The following LSAMP variants were observed in gnomAD, a reference collection of about 807,000 sequenced individuals.
LSAMP encodes limbic system-associated membrane protein.
LSAMP carries 7 observed loss-of-function variants against 38.6 expected under a neutral mutation model. That is an observed-to-expected ratio of 0.18 (90% CI 0.10 to 0.34). The LOEUF (loss-of-function observed/expected upper bound fraction) is 0.34, where lower values mean the gene tolerates loss of function less well. Among genes scored for constraint, LSAMP ranks in the 10% least tolerant of loss-of-function variants. LSAMP has a pLI of 1.00. For synonymous variants in LSAMP, 154 were observed against 166.8 expected (o/e 0.92, Z 0.59); for missense variants, 313 against 420.0 (o/e 0.75, Z 2.23).
chr3:116,212,545 A>G (rs2046171577), intron 1 of LSAMP, among the ~76,000 whole-genome samples: 1 of 113,634 alleles, frequency 8.8e-6, no homozygotes, highest in Non-Finnish European at 2.1e-5. Flanking sequence ...GTTTAGAGAT[A>G]AAATAAAACT....
At chr3:116,160,505 G>A (rs1379070520) in intron 1 of LSAMP, among the ~76,000 whole-genome samples, 1 of 151,540 alleles carries the variant, frequency 6.6e-6, no homozygotes, top group African/African-American at 2.4e-5. Flanking sequence ...AAGAGAAAAG[G>A]AGAGGAAAAG....
intron 3 of LSAMP, among the ~76,000 whole-genome samples, chr3:115,887,732 T>G (rs1187836810): frequency 1.3e-5 from 2 of 151,794 alleles, no homozygotes; most frequent in Non-Finnish European, 2.9e-5. Context: ...TCTATATATA[T>G]CCACAATATT....
At chr3:116,310,659 T>A (rs1450046422) in intron 1 of LSAMP, among the ~76,000 whole-genome samples, 1 of 152,158 alleles carries the variant, frequency 6.6e-6, no homozygotes, top group Non-Finnish European at 1.5e-5. Flanking sequence ...AAATGATGAG[T>A]AAGTCTCCCA....
At chr3:115,997,149 C>T (rs1939837539) in intron 3 of LSAMP, among the ~76,000 whole-genome samples, 1 of 152,068 alleles carries the variant, frequency 6.6e-6, no homozygotes, top group South Asian at 2.1e-4. Context: ...TGGAATGGGG[C>T]TAAGAATGCT....
intron 3 of LSAMP, among the ~76,000 whole-genome samples, chr3:115,940,900 T>G (rs562478530): frequency 6.6e-6 from 1 of 152,222 alleles, no homozygotes; most frequent in African/African-American, 2.4e-5. Flanking sequence ...TTTCTCAAGA[T>G]CACTTTGGCT....
At chr3:116,334,445 A>G (rs2107745294) in intron 1 of LSAMP, among the ~76,000 whole-genome samples, 1 of 152,252 alleles carries the variant, frequency 6.6e-6, no homozygotes, top group South Asian at 2.1e-4. Context: ...CAAGGAAATG[A>G]AACAAAAGAC....
intron 1 of LSAMP, among the ~76,000 whole-genome samples, chr3:116,248,284 G>C (rs1035730859): frequency 2.6e-5 from 4 of 152,236 alleles, no homozygotes; most frequent in Middle Eastern, 3.4e-3. Context: ...GGATGAGTAG[G>C]ATTTTAACAG....
At chr3:116,215,015 G>A (rs756799192) in intron 1 of LSAMP, among the ~76,000 whole-genome samples, 7 of 152,064 alleles carry the variant, frequency 4.6e-5, no homozygotes, top group Non-Finnish European at 8.8e-5. Flanking sequence ...ATGATACTTT[G>A]GGTTATCTAT....
At chr3:116,118,151 A>T (rs1370846051) in intron 1 of LSAMP, among the ~76,000 whole-genome samples, 1 of 152,176 alleles carries the variant, frequency 6.6e-6, no homozygotes, top group Non-Finnish European at 1.5e-5. Flanking sequence ...CCCAGTACAG[A>T]GACCTTGTTT....
At chr3:115,889,607 T>C (rs568941226) in intron 3 of LSAMP, among the ~76,000 whole-genome samples, 2 of 151,956 alleles carry the variant, frequency 1.3e-5, no homozygotes, top group South Asian at 4.1e-4. Flanking sequence ...ATGGAGAAGA[T>C]GGCATTGGAG....
chr3:115,833,731 G>C (rs181030590), intron 6 of LSAMP, among the ~76,000 whole-genome samples: 2 of 151,826 alleles, frequency 1.3e-5, no homozygotes, highest in African/African-American at 2.4e-5. Context: ...TTTTTTCCAC[G>C]CCAGGTCCCG....
chr3:116,136,928 G>C (rs1031587023), intron 1 of LSAMP, among the ~76,000 whole-genome samples: 3 of 152,020 alleles, frequency 2.0e-5, no homozygotes, highest in Admixed American at 2.0e-4. Context: ...CCACAAACTT[G>C]GTGGCTTAAA....
chr3:116,093,177 G>A (rs1708159958), intron 1 of LSAMP, among the ~76,000 whole-genome samples: 1 of 152,174 alleles, frequency 6.6e-6, no homozygotes, highest in African/African-American at 2.4e-5. Flanking sequence ...AAGGCAATCT[G>A]TGCCCCTAGA....
intron 1 of LSAMP, among the ~76,000 whole-genome samples, chr3:116,349,750 C>A (rs370074845): frequency 1.3e-5 from 2 of 151,896 alleles, no homozygotes; most frequent in African/African-American, 4.8e-5. Flanking sequence ...TGTAGTCACA[C>A]GCCTGGGATT....
At position 115,809,675 on chromosome 3, in the gene LSAMP, G is replaced by A. The variant is rs998148959; in HGVS notation, c.*642C>T. The A allele has an allele frequency of 6.6e-6, 1 of 152,294 alleles. No homozygotes were observed. The highest frequency in any genetic ancestry group is 1.5e-5 in the Non-Finnish European group (1 of 68,242). 9.4% of individuals were successfully genotyped at this position (152,294 alleles called of 1,614,324 possible). The stretch of plus-strand genomic sequence containing the variant: ...TGGGGAGGGGGTGGAGGTGAGGAGA[G>A]GTGAGGGAGGAAAGGTGGGTGAAAA... On this transcript the variant is annotated 3_prime_UTR_variant, in exon 7 of 7. Coordinates refer to ENST00000490035, the MANE Select transcript of LSAMP (RefSeq NM_002338.5).
chr3:116,121,766 G>A lies in LSAMP; in HGVS notation c.156-35210C>T, dbSNP rs151198827. 5.7e-4 allele frequency among the ~76,000 whole-genome samples: 87 copies of A among 152,262 alleles called. 4 individuals carry two copies. In the East Asian group the frequency reaches 0.014, roughly 25 times the overall value. ...GCCAGGTCAAGACTCAGGTAAACTGGCTCTAGAGCAAGCTTGTCCAACCCG... is the reference window on the plus strand; with the variant it reads ...GCCAGGTCAAGACTCAGGTAAACTGACTCTAGAGCAAGCTTGTCCAACCCG... On this transcript the variant is annotated intron_variant, in intron 1 of 6. Transcript: ENST00000490035.
intron 2 of LSAMP, among the ~76,000 whole-genome samples, chr3:116,024,216 GCA>G (rs981700507): frequency 5.4e-4 from 82 of 151,986 alleles, no homozygotes; most frequent in African/African-American, 1.9e-3. Flanking sequence ...ACTGTAAGAC[GCA>G]CAGTGTTTTC....
At chr3:116,256,443 G>A (rs1206947115) in intron 1 of LSAMP, among the ~76,000 whole-genome samples, 2 of 152,152 alleles carry the variant, frequency 1.3e-5, no homozygotes, top group Middle Eastern at 3.2e-3. Flanking sequence ...CCTTGCAAGT[G>A]TTTTTCATCT....
chr3:115,812,950 A>G (rs1933885622), intron 6 of LSAMP, among the ~76,000 whole-genome samples: 1 of 152,224 alleles, frequency 6.6e-6, no homozygotes, highest in African/African-American at 2.4e-5. Context: ...ATATGAACCT[A>G]GATAAACATG....
Sources: gnomAD v4.1 joint callset for allele counts (sites outside exome capture counted in the v4.1 genomes callset) on GRCh38, gnomAD v4.1.1 for gene constraint, MANE v1.5 for transcripts, NCBI Gene and HGNC (gene_info 2026-07-23, HGNC 2026-07-21) for gene names.